The following CRIM1 variants were observed in gnomAD, a reference collection of about 807,000 sequenced individuals.
The protein encoded by CRIM1 is cysteine-rich motor neuron 1 protein.
CRIM1 carries 32 observed loss-of-function variants against 116.4 expected under a neutral mutation model. The ratio of observed to expected loss-of-function variants is 0.27; its 90% CI spans 0.21 to 0.37. The LOEUF (loss-of-function observed/expected upper bound fraction) is 0.37. Ranked by LOEUF, CRIM1 falls within the 10% of genes least tolerant of loss-of-function variation. CRIM1 has a pLI of 1.00. For missense variants in CRIM1, 1,331 were observed against 1,354.8 expected, an observed-to-expected ratio of 0.98 and a Z score of 0.28; for synonymous variants, 590 against 509.2, an observed-to-expected ratio of 1.16 and a Z score of -2.13.
At chr2:36,442,765 C>G (rs1161645390) in intron 4 of CRIM1, 30 bp downstream of exon 4, 1 of 1,613,598 alleles carries the variant, frequency 6.2e-7, no homozygotes, top group Non-Finnish European at 8.5e-7. Context: ...GTCAAGTTTT[C>G]TCCTCATTTG....
chr2:36,522,011 G>C, intron 12 of CRIM1, 81 bp from the exon 13 acceptor site: 1 of 1,131,438 alleles, frequency 8.8e-7, no homozygotes, highest in Non-Finnish European at 1.3e-6. Context: ...ATCATGACTG[G>C]GTGTGCTTTG....
intron 2 of CRIM1, among the ~76,000 whole-genome samples, chr2:36,436,923 C>CAGCA (rs1675359151): frequency 2.6e-5 from 4 of 152,188 alleles, no homozygotes; most frequent in African/African-American, 9.7e-5. Flanking sequence ...AGCAACAAGT[C>CAGCA]ACACTGAAAG....
intron 2 of CRIM1, among the ~76,000 whole-genome samples, chr2:36,404,555 AAG>A (rs1672648769): frequency 6.6e-6 from 1 of 152,258 alleles, no homozygotes; most frequent in African/African-American, 2.4e-5. Flanking sequence ...TTCATTCAAA[AAG>A]AATGTATTGA....
rs1481459333 is a variant in CRIM1, at chr2:36,477,030, G to T, written c.1133G>T (p.Arg378Met). ...CAGTGTGGTGAGATAAACTGCGAGA[G>T]GTACTACGTGCCCGAAGGAGAGTGC... ...TAQCGEINCERYYVPEGECCP... is the reference protein window; with the variant it reads ...TAQCGEINCEMYYVPEGECCP... Residue 378 changes from arginine (R) to methionine (M), a missense_variant, in exon 6 of 17, where the codon AGG (arginine) becomes ATG (methionine). Around this residue, in one of 3 missense-constraint regions of CRIM1, gnomAD observed 690 missense variants for 676.0 expected, o/e 1.02. Coordinates refer to ENST00000280527, the MANE Select transcript of CRIM1 (RefSeq NM_016441.3). The T allele has an allele frequency of 1.2e-6, 2 of 1,613,566 alleles. No homozygotes were observed. Among genetic ancestry groups the T allele is most frequent in the African/African-American group, 2.7e-5 (2 of 75,020 alleles).
chr2:36,548,896 C>CTG lies in CRIM1; in HGVS notation c.*196_*197dup. ...GCATTCCCACTTTTCCTCAAGATAA[C>CTG]TGACCAAGTGTTTTCTTAGAACCAA... On this transcript the variant is annotated 3_prime_UTR_variant, in exon 17 of 17. Transcript: ENST00000280527. The CTG allele has an allele frequency of 2.6e-6, 1 of 383,384 alleles. No individual in the cohort carries two copies. Among genetic ancestry groups the CTG allele is most frequent in the Non-Finnish European group, 4.5e-6 (1 of 220,842 alleles). 23.7% of individuals were successfully genotyped at this position (383,384 alleles called of 1,614,324 possible).
chr2:36,356,130 G>A lies in CRIM1; in HGVS notation c.-163G>A, dbSNP rs1668775463. ...GGCGCGGCCCGCAGAAGGGGCGGGG[G>A]CCTCGCCCCGCGAGGGGAGGCGCGC... is the stretch of plus-strand genomic sequence containing the variant. On this transcript the variant is annotated 5_prime_UTR_variant, in exon 1 of 17. Transcript: ENST00000280527. This position sits in a 1 kb window ranked among gnomAD's most constrained non-coding sequence, Gnocchi z 4.3. 1 of 163,634 alleles carries A rather than the reference G, an allele frequency of 6.1e-6. No individual in the cohort carries two copies. Among genetic ancestry groups the A allele is most frequent in the Non-Finnish European group, 1.3e-5 (1 of 77,474 alleles). 10.1% of individuals were successfully genotyped at this position (163,634 alleles called of 1,614,324 possible). A position where few individuals can be genotyped will look rare whatever the true frequency, so the allele number is the denominator to read the frequency against.
chr2:36,504,910 A>G (rs1261018981), intron 8 of CRIM1, among the ~76,000 whole-genome samples: 43 of 152,202 alleles, frequency 2.8e-4, no homozygotes, highest in Admixed American at 2.8e-3. Context: ...TTCTCTTCCA[A>G]TTTTAACATT....
Position 36,467,549 on chromosome 2 carries a change from T to C in CRIM1, c.991+2894T>C, listed in dbSNP as rs183124163. 8.4e-4 allele frequency among the ~76,000 whole-genome samples: 128 copies of C among 152,344 alleles called. 1 individual carries two copies. The highest frequency in any genetic ancestry group is 2.9e-3 in the African/African-American group (119 of 41,574). On this transcript the variant is annotated intron_variant, in intron 5 of 16. Coordinates refer to ENST00000280527, the MANE Select transcript of CRIM1 (RefSeq NM_016441.3). ...TAGAAAAGCAGAGGTCTATTTTATA[T>C]GTATAAAACCACTCGCTTATACACA...
intron 16 of CRIM1, among the ~76,000 whole-genome samples, chr2:36,547,836 C>A (rs1323766427): frequency 1.3e-5 from 2 of 152,182 alleles, no homozygotes; most frequent in Non-Finnish European, 1.5e-5. Context: ...GGAAATAAAT[C>A]ATAATCCCTT....
chr2:36,492,234 T>C (rs1680277616), intron 7 of CRIM1, among the ~76,000 whole-genome samples: 1 of 152,198 alleles, frequency 6.6e-6, no homozygotes, highest in Admixed American at 6.5e-5. Context: ...TGCACACTGT[T>C]CATTTTAAAA....
intron 2 of CRIM1, among the ~76,000 whole-genome samples, chr2:36,422,293 A>C (rs980161938): frequency 3.3e-5 from 5 of 152,116 alleles, no homozygotes; most frequent in Admixed American, 6.6e-5. Flanking sequence ...AGTAGCACTC[A>C]GTCTTTAATT....
At chr2:36,509,883 A>G in intron 8 of CRIM1, 100 bp from the exon 9 acceptor site, 1 of 1,025,336 alleles carries the variant, frequency 9.8e-7, no homozygotes, top group Non-Finnish European at 1.4e-6. Flanking sequence ...AGAAATTGAG[A>G]TCTGTGGAAG....
intron 5 of CRIM1, among the ~76,000 whole-genome samples, chr2:36,475,907 T>G (rs1021866911): frequency 2.0e-5 from 3 of 152,240 alleles, no homozygotes. Context: ...AAACCAACCT[T>G]GCATTCTTGG....
intron 4 of CRIM1, among the ~76,000 whole-genome samples, chr2:36,450,674 A>G (rs533378674): frequency 9.8e-5 from 15 of 152,324 alleles, no homozygotes; most frequent in South Asian, 2.1e-4. Context: ...AGGAAATAAG[A>G]TAAAAGGAAG....
intron 2 of CRIM1, among the ~76,000 whole-genome samples, chr2:36,399,665 C>G (rs925281455): frequency 6.6e-6 from 1 of 152,134 alleles, no homozygotes; most frequent in Non-Finnish European, 1.5e-5. Context: ...ATAGGAGATA[C>G]TACAGCATGT....
At chr2:36,412,310 G>A (rs556755057) in intron 2 of CRIM1, among the ~76,000 whole-genome samples, 29 of 144,910 alleles carry the variant, frequency 2.0e-4, no homozygotes, top group South Asian at 6.5e-4. Flanking sequence ...ACGGAATACC[G>A]AGGACAAAGG....
chr2:36,427,571 G>C (rs1458613556), intron 2 of CRIM1, among the ~76,000 whole-genome samples: 2 of 152,202 alleles, frequency 1.3e-5, no homozygotes. Context: ...CATCTTTCAT[G>C]TTGAGACACC....
At chr2:36,459,239 C>G (rs1240864546) in intron 4 of CRIM1, among the ~76,000 whole-genome samples, 1 of 152,078 alleles carries the variant, frequency 6.6e-6, no homozygotes, top group African/African-American at 2.4e-5. Context: ...GGAGCCGCTC[C>G]CCAAACCTGC....
chr2:36,535,239 G>A (rs1334648382), intron 13 of CRIM1, among the ~76,000 whole-genome samples: 3 of 151,092 alleles, frequency 2.0e-5, no homozygotes. Context: ...AGGTGAGGGA[G>A]GGGGAAGGAG....
Sources: allele counts gnomAD v4.1 joint callset (sites outside exome capture counted in the v4.1 genomes callset), GRCh38; gene constraint gnomAD v4.1.1; regional missense constraint gnomAD v4.1.1; non-coding constraint Gnocchi (gnomAD v3.1); transcripts MANE v1.5; gene names NCBI Gene and HGNC (gene_info 2026-07-23, HGNC 2026-07-21).